Variants in SAMD5 observed in about 807,000 individuals in gnomAD.
SAMD5 encodes the protein sterile alpha motif domain containing 5.
A neutral mutation model predicts 11.3 loss-of-function variants in SAMD5; 13 were observed. The observed-to-expected ratio is 1.15, with a 90% confidence interval of 0.75 to 1.83. The LOEUF is 1.83. Ranked by LOEUF, SAMD5 falls within the 40% of genes most tolerant of loss-of-function variation. SAMD5 has a pLI of 0.00. For missense variants in SAMD5, 255 were observed against 239.1 expected (o/e 1.07, Z -0.44); for synonymous variants, 129 against 111.3 (o/e 1.16, Z -1.00).
At chr6:147,591,184 C>A (rs1297104163) in intron 1 of SAMD5, among the ~76,000 whole-genome samples, 1 of 151,246 alleles carries the variant, frequency 6.6e-6, no homozygotes, top group Non-Finnish European at 1.5e-5. Flanking sequence ...AAAAGGTCAA[C>A]AGAGCAACTA....
chr6:147,542,411 G>GA (rs1413637145), intron 1 of SAMD5, among the ~76,000 whole-genome samples: 1 of 152,218 alleles, frequency 6.6e-6, no homozygotes, highest in Non-Finnish European at 1.5e-5. Flanking sequence ...TTGCAATGGA[G>GA]AAAGAGTAAT....
chr6:147,791,219 C>T, the SAMD5 span, among the ~76,000 whole-genome samples: 29 of 152,066 alleles, frequency 1.9e-4, no homozygotes, highest in Admixed American at 5.2e-4. Context: ...CGCTTGAACC[C>T]GGGAGGCAGA....
At chr6:147,748,497 T>A in the SAMD5 span, among the ~76,000 whole-genome samples, 1 of 152,220 alleles carries the variant, frequency 6.6e-6, no homozygotes, top group African/African-American at 2.4e-5. Flanking sequence ...AAGTACTACA[T>A]AAGTGATTTT....
chr6:147,786,221 C>T, the SAMD5 span, among the ~76,000 whole-genome samples: 7 of 152,132 alleles, frequency 4.6e-5, no homozygotes, highest in Non-Finnish European at 8.8e-5. Context: ...AGCCTTATGA[C>T]CTTTATATCA....
chr6:147,913,620 C>T, the SAMD5 span, among the ~76,000 whole-genome samples: 53 of 152,152 alleles, frequency 3.5e-4, no homozygotes, highest in African/African-American at 1.1e-3. Flanking sequence ...CTCTTGAACC[C>T]GGGAGGCGGA....
chr6:147,706,917 G>A (rs967829158), intron 1 of SAMD5, among the ~76,000 whole-genome samples: 1 of 152,124 alleles, frequency 6.6e-6, no homozygotes, highest in Middle Eastern at 3.2e-3. Flanking sequence ...GATATTTTGG[G>A]CCCACACTAT....
chr6:147,685,057 T>C (rs1790990055), intron 1 of SAMD5, among the ~76,000 whole-genome samples: 1 of 152,236 alleles, frequency 6.6e-6, no homozygotes, highest in Non-Finnish European at 1.5e-5. Flanking sequence ...GTGTAACTTA[T>C]GGAATGGAGC....
At chr6:147,861,774 A>G in the SAMD5 span, among the ~76,000 whole-genome samples, 2 of 152,148 alleles carry the variant, frequency 1.3e-5, no homozygotes, top group Non-Finnish European at 2.9e-5. Flanking sequence ...TTAAAGCCCA[A>G]GGGAAAATAT....
At chr6:147,856,399 CAT>C in the SAMD5 span, among the ~76,000 whole-genome samples, 1 of 152,146 alleles carries the variant, frequency 6.6e-6, no homozygotes, top group Non-Finnish European at 1.5e-5. Context: ...CATGTAAGTA[CAT>C]ATATCAAATT....
chr6:147,669,406 T>C (rs566817193), intron 1 of SAMD5, among the ~76,000 whole-genome samples: 1 of 150,754 alleles, frequency 6.6e-6, no homozygotes, highest in African/African-American at 2.4e-5. Flanking sequence ...CAGTTGCATC[T>C]TCAAGCTCCA....
At chr6:147,880,876 A>T in the SAMD5 span, among the ~76,000 whole-genome samples, 739 of 152,260 alleles carry the variant, frequency 4.9e-3, 9 homozygotes, top group African/African-American at 0.016. Context: ...TGAAAAAAAC[A>T]TCTGATTTTA....
At chr6:147,881,575 C>T in the SAMD5 span, among the ~76,000 whole-genome samples, 26 of 152,142 alleles carry the variant, frequency 1.7e-4, no homozygotes, top group Non-Finnish European at 3.7e-4. Flanking sequence ...AACAAAGCAC[C>T]AGCTTGACTC....
chr6:147,867,413 T>A, the SAMD5 span, among the ~76,000 whole-genome samples: 1 of 152,014 alleles, frequency 6.6e-6, no homozygotes, highest in Non-Finnish European at 1.5e-5. Context: ...TGTGAAACCT[T>A]GGTGGAAAGA....
intron 1 of SAMD5, among the ~76,000 whole-genome samples, chr6:147,619,378 C>G (rs1789924001): frequency 6.6e-6 from 1 of 152,172 alleles, no homozygotes; most frequent in Non-Finnish European, 1.5e-5. Context: ...AAGAAGTACA[C>G]ACCTTAATCT....
the SAMD5 span, among the ~76,000 whole-genome samples, chr6:147,770,087 T>C: frequency 2.0e-5 from 3 of 152,214 alleles, no homozygotes; most frequent in South Asian, 6.2e-4. Flanking sequence ...GATTTTAAGA[T>C]TGAAAAAAGA....
chr6:147,625,529 G>A (rs569421186), intron 1 of SAMD5, among the ~76,000 whole-genome samples: 16 of 152,256 alleles, frequency 1.1e-4, no homozygotes, highest in African/African-American at 3.6e-4. Context: ...ATTCTTTTGA[G>A]AAAATAAAAG....
chr6:147,889,465 C>A, the SAMD5 span, among the ~76,000 whole-genome samples: 6 of 152,248 alleles, frequency 3.9e-5, no homozygotes, highest in South Asian at 1.2e-3. Context: ...ATTTCTGGGT[C>A]TGTTTTAACT....
At chr6:147,851,652 G>A in the SAMD5 span, among the ~76,000 whole-genome samples, 24 of 152,074 alleles carry the variant, frequency 1.6e-4, 1 homozygote, top group Non-Finnish European at 2.6e-4. Context: ...TTTCCCATCT[G>A]TTCTTGGTTT....
At chr6:147,786,740 G>C in the SAMD5 span, among the ~76,000 whole-genome samples, 2 of 152,138 alleles carry the variant, frequency 1.3e-5, no homozygotes, top group African/African-American at 4.8e-5. Context: ...TTGCTGCCAG[G>C]TTTTCTAATT....
Sources: gnomAD v4.1 joint callset for allele counts (sites outside exome capture counted in the v4.1 genomes callset) on GRCh38, gnomAD v4.1.1 for gene constraint, MANE v1.5 for transcripts, NCBI Gene and HGNC (gene_info 2026-07-23, HGNC 2026-07-21) for gene names.